NRP2: variants seen among roughly 807,000 people sequenced by gnomAD.
NRP2 encodes neuropilin-2.
NRP2 carries 52 observed loss-of-function variants against 110.4 expected under a neutral mutation model. The ratio of observed to expected loss-of-function variants is 0.47; its 90% CI spans 0.38 to 0.59. The LOEUF (loss-of-function observed/expected upper bound fraction) is 0.59, where lower values mean the gene tolerates loss of function less well. NRP2 is among the 20% of genes least tolerant of loss of function. The pLI is 0.00. For synonymous variants in NRP2, 508 were observed against 468.9 expected, an observed-to-expected ratio of 1.08 and a Z score of -1.08; for missense variants, 1,049 against 1,203.0, an observed-to-expected ratio of 0.87 and a Z score of 1.89.
intron 15 of NRP2, among the ~76,000 whole-genome samples, chr2:205,769,119 C>T (rs3771003): frequency 3.3e-5 from 5 of 151,982 alleles, no homozygotes; most frequent in African/African-American, 7.2e-5. Flanking sequence ...TCTCTTGATC[C>T]GGGCATAAAA....
intron 11 of NRP2, 100 bp downstream of exon 11, chr2:205,749,941 T>C: frequency 1.1e-6 from 1 of 913,566 alleles, no homozygotes. Context: ...AGATCAGAGA[T>C]CCAGGGGATC....
intron 3 of NRP2, 41 bp downstream of exon 3, chr2:205,716,415 T>C: frequency 1.2e-6 from 2 of 1,607,186 alleles, no homozygotes; most frequent in Non-Finnish European, 1.7e-6. Context: ...ATGGGCGTCT[T>C]AGAGAAGAAG....
At chr2:205,755,520 T>G (rs998902488) in intron 12 of NRP2, among the ~76,000 whole-genome samples, 1 of 152,064 alleles carries the variant, frequency 6.6e-6, no homozygotes, top group Non-Finnish European at 1.5e-5. Context: ...CCCATTTTCC[T>G]TCTCCCTACA....
chr2:205,697,675 G>T lies in NRP2; in HGVS notation c.205G>T (p.Val69Phe). ...VYAPEPNQKIVLNFNPHFEIE... is the reference protein window; with the variant it reads ...VYAPEPNQKIFLNFNPHFEIE... ...CGCCCCCGAACCCAACCAGAAGATTGTCCTCAACTTCAACCCTCACTTTGA... is the reference window on the plus strand; with the variant it reads ...CGCCCCCGAACCCAACCAGAAGATTTTCCTCAACTTCAACCCTCACTTTGA... The change falls in exon 2 of 17, where the codon GTC becomes TTC. Residue 69 changes from valine to phenylalanine, a missense_variant. Transcript: ENST00000357785. 6.2e-7 allele frequency: 1 copy of T among 1,613,890 alleles called. No individual in the cohort carries two copies. Among genetic ancestry groups the T allele is most frequent in the Admixed American group, 1.7e-5 (1 of 59,984 alleles).
intron 2 of NRP2, among the ~76,000 whole-genome samples, chr2:205,707,379 C>T (rs2056701273): frequency 1.3e-5 from 2 of 152,198 alleles, no homozygotes; most frequent in African/African-American, 4.8e-5. Flanking sequence ...TTAGTGCAGG[C>T]CCATCATTTC....
At chr2:205,750,570 C>G (rs1466671568) in intron 11 of NRP2, among the ~76,000 whole-genome samples, 1 of 152,140 alleles carries the variant, frequency 6.6e-6, no homozygotes, top group Non-Finnish European at 1.5e-5. Flanking sequence ...TTGGCAGAAT[C>G]CAAAAGTCAG....
At chr2:205,760,294 A>G (rs1575642704) in intron 12 of NRP2, among the ~76,000 whole-genome samples, 2 of 152,106 alleles carry the variant, frequency 1.3e-5, no homozygotes, top group East Asian at 3.9e-4. Flanking sequence ...GGCCTCTGTC[A>G]GTGACAGGCG....
rs1379728815 is a variant in NRP2, at chr2:205,795,571, C to T, written c.*513C>T. The T allele has an allele frequency of 6.6e-6, 1 of 152,652 alleles. No individual in the cohort carries two copies. Among genetic ancestry groups the T allele is most frequent in the East Asian group, 1.9e-4 (1 of 5,208 alleles). The allele number at this position is 152,652 out of a possible 1,614,324, so 9.5% of individuals were successfully genotyped here. A position where few individuals can be genotyped will look rare whatever the true frequency, so the allele number is the denominator to read the frequency against. On this transcript the variant is annotated 3_prime_UTR_variant, in exon 17 of 17. Coordinates refer to ENST00000357785, the MANE Select transcript of NRP2 (RefSeq NM_003872.3). ...AATAAAACTCAAAAAAGCCGTCCAG[C>T]TTATCCCATCCTCTGATTGTCTTCT... is the stretch of plus-strand genomic sequence containing the variant.
At chr2:205,748,072 G>A (rs2057571378) in intron 10 of NRP2, among the ~76,000 whole-genome samples, 2 of 151,762 alleles carry the variant, frequency 1.3e-5, no homozygotes, top group Non-Finnish European at 2.9e-5. Flanking sequence ...CGAGGCCTCG[G>A]TGCCCGCCGT....
At chr2:205,772,777 G>A (rs2058042078) in intron 15 of NRP2, among the ~76,000 whole-genome samples, 1 of 152,162 alleles carries the variant, frequency 6.6e-6, no homozygotes, top group Non-Finnish European at 1.5e-5. Flanking sequence ...ATGGCTGAAG[G>A]GGCAAGTGAA....
intron 1 of NRP2, among the ~76,000 whole-genome samples, chr2:205,693,789 C>T (rs1533509): frequency 0.38 from 57,493 of 152,018 alleles, 12,084 homozygotes; most frequent in African/African-American, 0.55. Flanking sequence ...TCCCTGGTTT[C>T]GCCAAGGACT....
At chr2:205,697,972 C>T (rs1559309666) in intron 2 of NRP2, 4 of 526,838 alleles carry the variant, frequency 7.6e-6, no homozygotes, top group Non-Finnish European at 1.4e-5. Flanking sequence ...CCTCCAAAGG[C>T]CGGTAGTGGA....
intron 1 of NRP2, among the ~76,000 whole-genome samples, chr2:205,684,311 G>T (rs2056092755): frequency 6.6e-6 from 1 of 152,176 alleles, no homozygotes; most frequent in South Asian, 2.1e-4. Context: ...ACCCCTCTGA[G>T]AACAGTGTCT....
intron 15 of NRP2, among the ~76,000 whole-genome samples, chr2:205,791,983 G>A (rs1054933456): frequency 2.6e-5 from 4 of 152,328 alleles, no homozygotes; most frequent in East Asian, 3.9e-4. Flanking sequence ...AGGCACAGTG[G>A]CAGGGGTTGC....
At chr2:205,777,196 A>G (rs1401317098) in intron 15 of NRP2, 1 of 966,662 alleles carries the variant, frequency 1.0e-6, no homozygotes, top group African/African-American at 1.8e-5. Context: ...TGTCATCTCC[A>G]GGTACCTAAA....
In NRP2 at chr2:205,723,690, A is replaced by G. The variant is rs145401163; in HGVS notation, c.665-95A>G. On this transcript the variant is annotated intron_variant, in intron 4 of 16. Transcript: ENST00000357785. The stretch of plus-strand genomic sequence containing the variant: ...TGGCAAGATGTACAAAGTGTGCTCC[A>G]CTGAATGAAATGCAATGAGGGGAAG... 515 of 1,247,832 alleles carry G rather than the reference A, an allele frequency of 4.1e-4. 1 individual carries two copies. The African/African-American group carries it at 6.6e-3, about 16-fold the overall frequency. The allele number at this position is 1,247,832 out of a possible 1,614,324, so 77.3% of individuals were successfully genotyped here.
At chr2:205,723,257 C>T (rs1441570349) in intron 4 of NRP2, among the ~76,000 whole-genome samples, 1 of 152,172 alleles carries the variant, frequency 6.6e-6, no homozygotes, top group Admixed American at 6.6e-5. Flanking sequence ...CAGGTGAAGA[C>T]CAACATGGAT....
chr2:205,771,460 C>A (rs2058022466), intron 15 of NRP2, among the ~76,000 whole-genome samples: 1 of 152,190 alleles, frequency 6.6e-6, no homozygotes, highest in Non-Finnish European at 1.5e-5. Context: ...AAGGACTGTG[C>A]AGACAGGCCA....
chr2:205,741,393 C>A (rs2057439542), intron 8 of NRP2, among the ~76,000 whole-genome samples: 1 of 152,068 alleles, frequency 6.6e-6, no homozygotes, highest in South Asian at 2.1e-4. Flanking sequence ...GAAGGTGCAC[C>A]AGGCAATGGT....
Sources: gnomAD v4.1 joint callset for allele counts (sites outside exome capture counted in the v4.1 genomes callset) on GRCh38, gnomAD v4.1.1 for gene constraint, MANE v1.5 for transcripts, NCBI Gene and HGNC (gene_info 2026-07-23, HGNC 2026-07-21) for gene names.